The following TTC28 variants were observed in gnomAD, a reference collection of about 807,000 sequenced individuals.
TTC28 encodes the protein tetratricopeptide repeat protein 28.
Under a neutral mutation model 198.0 loss-of-function variants are expected in TTC28, and 61 were observed. That is an observed-to-expected ratio of 0.31 (90% CI 0.25 to 0.38). TTC28 has a LOEUF of 0.38. Ranked by LOEUF, TTC28 falls within the 10% of genes least tolerant of loss-of-function variation. TTC28 has a pLI of 1.00. For synonymous variants in TTC28, 1,171 were observed against 1,297.8 expected, an observed-to-expected ratio of 0.90 and a Z score of 2.10; for missense variants, 2,678 against 3,164.0, an observed-to-expected ratio of 0.85 and a Z score of 3.69.
intron 2 of TTC28, among the ~76,000 whole-genome samples, chr22:28,581,861 C>T (rs1473930072): frequency 2.6e-5 from 4 of 151,950 alleles, no homozygotes; most frequent in Admixed American, 6.6e-5. Flanking sequence ...AGCTTGTAAA[C>T]GATACATGGA....
intron 2 of TTC28, among the ~76,000 whole-genome samples, chr22:28,370,916 A>G (rs930514575): frequency 1.3e-5 from 2 of 152,210 alleles, no homozygotes; most frequent in Admixed American, 1.3e-4. Context: ...TCAGAATCCA[A>G]CTTTTAAAGA....
Position 28,327,913 on chromosome 22 carries a change from C to T in TTC28, c.382-21270G>A, listed in dbSNP as rs143420798. On this transcript the variant is annotated intron_variant, in intron 2 of 22. Coordinates refer to ENST00000397906, the MANE Select transcript of TTC28 (RefSeq NM_001145418.2). ...GGTGTTTTATATTCATTCACTCATT[C>T]TTTAAACAACTATGTGCCTGACAGC... Among the ~76,000 whole-genome samples the T allele has an allele frequency of 7.0e-3, 1,070 of 152,302 alleles. 9 individuals are homozygous for T. Among genetic ancestry groups the T allele is most frequent in the Non-Finnish European group, 0.011 (728 of 68,024 alleles).
intron 5 of TTC28, among the ~76,000 whole-genome samples, chr22:28,295,715 A>G (rs1364106310): frequency 6.6e-6 from 1 of 152,178 alleles, no homozygotes; most frequent in Non-Finnish European, 1.5e-5. Context: ...TCATCTCTTT[A>G]ATAAGACTAT....
Position 27,998,238 on chromosome 22 carries a change from A to C in TTC28, c.5119+302T>G, listed in dbSNP as rs138279864. The stretch of plus-strand genomic sequence containing the variant: ...CTACCACACACTCCTTTCTACAGTC[A>C]TGGGTTAAATGAGGGTGCCATGGAA... On this transcript the variant is annotated intron_variant, in intron 16 of 22. Transcript: ENST00000397906. The C allele has an allele frequency of 9.5e-4, 450 of 474,772 alleles. 9 individuals carry two copies. In the East Asian group the frequency reaches 0.017, roughly 18 times the overall value. The allele number at this position is 474,772 out of a possible 1,614,324, so 29.4% of individuals were successfully genotyped here. A position where few individuals can be genotyped will look rare whatever the true frequency, so the allele number is the denominator to read the frequency against.
At chr22:28,016,144 G>A (rs1177052959) in intron 13 of TTC28, among the ~76,000 whole-genome samples, 1 of 152,096 alleles carries the variant, frequency 6.6e-6, no homozygotes, top group Non-Finnish European at 1.5e-5. Flanking sequence ...AGGACTTGGA[G>A]GGCCAGGGAG....
At chr22:28,297,081 G>A (rs1381154877) in intron 4 of TTC28, among the ~76,000 whole-genome samples, 1 of 152,082 alleles carries the variant, frequency 6.6e-6, no homozygotes, top group Non-Finnish European at 1.5e-5. Flanking sequence ...CCCTGAAGAG[G>A]GCAATGAGTA....
intron 2 of TTC28, among the ~76,000 whole-genome samples, chr22:28,559,481 G>C (rs1003169603): frequency 2.6e-5 from 4 of 152,038 alleles, no homozygotes; most frequent in Non-Finnish European, 5.9e-5. Context: ...TACTAATTCT[G>C]CCTGCTGAAT....
At chr22:28,618,163 T>A (rs2050932217) in intron 2 of TTC28, among the ~76,000 whole-genome samples, 1 of 152,046 alleles carries the variant, frequency 6.6e-6, no homozygotes, top group Admixed American at 6.6e-5. Context: ...TAATCCTAGA[T>A]ACTTGGGAAG....
intron 2 of TTC28, among the ~76,000 whole-genome samples, chr22:28,395,853 G>A (rs1275210646): frequency 6.6e-6 from 1 of 152,034 alleles, no homozygotes; most frequent in African/African-American, 2.4e-5. Flanking sequence ...TATGAACTAT[G>A]GCTTATCTTT....
At chr22:28,339,497 T>C (rs1235218231) in intron 2 of TTC28, among the ~76,000 whole-genome samples, 2 of 152,212 alleles carry the variant, frequency 1.3e-5, no homozygotes, top group East Asian at 3.9e-4. Context: ...AGGTGGAGTC[T>C]ACAGAGGCAG....
At chr22:28,256,523 C>A (rs938666397) in intron 5 of TTC28, among the ~76,000 whole-genome samples, 5 of 151,476 alleles carry the variant, frequency 3.3e-5, no homozygotes, top group Admixed American at 3.3e-4. Context: ...AGATTCAATG[C>A]GTCTCTATCA....
chr22:27,998,934 G>T lies in TTC28; in HGVS notation c.4725C>A (p.His1575Gln). The change falls in exon 16 of 23, where the codon CAC becomes CAA. Residue 1575 changes from histidine (H) to glutamine (Q), a missense_variant. Around this residue, in one of 8 missense-constraint regions of TTC28, gnomAD observed 727 missense variants for 861.9 expected, o/e 0.84. Transcript: ENST00000397906. ...GCAAGGACTCAGGGATCGTGTAGGG[G>T]TGGCCGAAGGAGCTCTTGCTGCTGG... ...NPASSKSSFG[H>Q]PYTIPESLRV... is the part of the protein sequence containing the mutation. 6.4e-7 allele frequency: 1 copy of T among 1,550,716 alleles called. No individual in the cohort carries two copies.
At position 28,249,776 on chromosome 22, in the gene TTC28, A is replaced by G. The variant is rs995486; in HGVS notation, c.933+46422T>C. ...ACATATTGTCCAGCAAAATGAGAGG[A>G]TGGATGTGTTTCCAGCTCAGGAAAC... On this transcript the variant is annotated intron_variant, in intron 5 of 22. Transcript: ENST00000397906. Among the ~76,000 whole-genome samples the G allele has an allele frequency of 8.9e-3, 1,349 of 152,300 alleles. 17 individuals are homozygous for G. Among genetic ancestry groups the G allele is most frequent in the African/African-American group, 0.031 (1,276 of 41,562 alleles).
At chr22:28,191,407 G>A (rs1601450845) in intron 5 of TTC28, among the ~76,000 whole-genome samples, 2 of 152,334 alleles carry the variant, frequency 1.3e-5, no homozygotes. Flanking sequence ...CTGAGGTAGC[G>A]GGTTCATCTC....
At chr22:28,608,401 G>A (rs1027914557) in intron 2 of TTC28, among the ~76,000 whole-genome samples, 1 of 152,202 alleles carries the variant, frequency 6.6e-6, no homozygotes, top group Non-Finnish European at 1.5e-5. Flanking sequence ...AGAGGTAGCT[G>A]TGTGAACAAC....
At chr22:28,522,055 A>G (rs1006055351) in intron 2 of TTC28, among the ~76,000 whole-genome samples, 3 of 152,216 alleles carry the variant, frequency 2.0e-5, no homozygotes, top group Admixed American at 1.3e-4. Context: ...CACAATGTCT[A>G]TATTTCTGTA....
intron 5 of TTC28, among the ~76,000 whole-genome samples, chr22:28,261,982 TC>T (rs779644862): frequency 5.9e-5 from 9 of 152,110 alleles, no homozygotes; most frequent in Non-Finnish European, 1.0e-4. Flanking sequence ...AATAGAAGAC[TC>T]CTAACTAAAC....
At chr22:27,999,841 G>T (rs1255793653) in intron 15 of TTC28, 1 of 152,250 alleles carries the variant, frequency 6.6e-6, no homozygotes, top group Non-Finnish European at 1.5e-5. Context: ...AATAATGTCT[G>T]CCTGAGTTTC....
rs143077929 is a variant in TTC28, at chr22:28,017,924, C to T, written c.4074-3532G>A. Among the ~76,000 whole-genome samples, 208 of 152,302 alleles carry T rather than the reference C, an allele frequency of 1.4e-3. 1 individual carries two copies. In the East Asian group the frequency reaches 0.018, roughly 13 times the overall value. On this transcript the variant is annotated intron_variant, in intron 13 of 22. Transcript: ENST00000397906. ...CCAAGCTCCAATGAAGGCTCTGCCT[C>T]TGAGTCTCAGCTGAGCACCCCCTGC...
Sources: gnomAD v4.1 joint callset for allele counts (sites outside exome capture counted in the v4.1 genomes callset) on GRCh38, gnomAD v4.1.1 for gene constraint, gnomAD v4.1.1 regional missense constraint, MANE v1.5 for transcripts, NCBI Gene and HGNC (gene_info 2026-07-23, HGNC 2026-07-21) for gene names.